TTC3: variants seen among roughly 807,000 people sequenced by gnomAD.
The protein encoded by TTC3 is tetratricopeptide repeat domain 3.
TTC3 carries 180 observed loss-of-function variants against 249.6 expected under a neutral mutation model. The observed-to-expected ratio is 0.72, with a 90% CI of 0.64 to 0.82. The LOEUF is 0.82. Among genes scored for constraint, TTC3 ranks in the 40% least tolerant of loss-of-function variants. The pLI is 0.00. For synonymous variants in TTC3, 717 were observed against 805.0 expected (o/e 0.89, Z 1.85); for missense variants, 2,061 against 2,398.4 (o/e 0.86, Z 2.94).
chr21:37,096,189 A>C (rs2073925115), intron 9 of TTC3, among the ~76,000 whole-genome samples: 2 of 152,210 alleles, frequency 1.3e-5, no homozygotes, highest in South Asian at 2.1e-4. Context: ...TTTAATTTGC[A>C]ATTACTGTAG....
chr21:37,122,432 A>AATGTTT (rs2076680643), intron 12 of TTC3, among the ~76,000 whole-genome samples: 1 of 26,660 alleles, frequency 3.8e-5, no homozygotes, highest in African/African-American at 1.1e-4. Flanking sequence ...ATATATATAT[A>AATGTTT]TATATTATAT....
At chr21:37,168,585 T>C (rs777578771) in intron 34 of TTC3, among the ~76,000 whole-genome samples, 1 of 152,202 alleles carries the variant, frequency 6.6e-6, no homozygotes, top group Non-Finnish European at 1.5e-5. Flanking sequence ...TGAAAAGATA[T>C]TTCATGTACT....
In TTC3 at chr21:37,121,997, CT is replaced by C; in HGVS notation, c.1063+22del. 1 of 1,592,140 alleles carries C rather than the reference CT, an allele frequency of 6.3e-7. No individual in the cohort carries two copies. Among genetic ancestry groups the C allele is most frequent in the Non-Finnish European group, 8.5e-7 (1 of 1,170,046 alleles). On this transcript the variant is annotated intron_variant, in intron 12 of 45. Transcript: ENST00000355666. ...CCTACAAGGTATTTCACCTAAGATT[CT>C]TTTGGTTACAGTCTTAATTCCCTTT... is the stretch of plus-strand genomic sequence containing the variant.
intron 41 of TTC3, among the ~76,000 whole-genome samples, chr21:37,192,909 C>A (rs2084364451): frequency 6.6e-6 from 1 of 152,094 alleles, no homozygotes. Flanking sequence ...TAGATTTGGA[C>A]ATAGATAGAT....
chr21:37,075,272 G>A (rs766323474), intron 1 of TTC3, among the ~76,000 whole-genome samples: 1 of 151,328 alleles, frequency 6.6e-6, no homozygotes, highest in Non-Finnish European at 1.5e-5. Context: ...ATAGAATTGC[G>A]TTGTATGAAT....
chr21:37,138,491 T>G, intron 18 of TTC3, 143 bp from the exon 19 acceptor site: 1 of 585,380 alleles, frequency 1.7e-6, no homozygotes, highest in Non-Finnish European at 3.0e-6. Context: ...TGGCCAATCA[T>G]ATTGATTAGT....
chr21:37,088,021 T>C, intron 3 of TTC3, 146 bp downstream of exon 3: 1 of 958,806 alleles, frequency 1.0e-6, no homozygotes, highest in Non-Finnish European at 1.5e-6. Flanking sequence ...AACTTTTCTT[T>C]GTTAAAATAG....
intron 1 of TTC3, among the ~76,000 whole-genome samples, chr21:37,073,876 C>T (rs944299158): frequency 6.6e-6 from 1 of 152,166 alleles, no homozygotes; most frequent in Non-Finnish European, 1.5e-5. Context: ...GTGGCCGCGC[C>T]TTCTGCAATT....
chr21:37,144,001 C>A (rs1285543669), intron 20 of TTC3, among the ~76,000 whole-genome samples: 1 of 151,486 alleles, frequency 6.6e-6, no homozygotes, highest in Admixed American at 6.6e-5. Context: ...GGACAAAAAA[C>A]CAAACACCGC....
chr21:37,113,232 A>G (rs1835344897), intron 11 of TTC3, among the ~76,000 whole-genome samples: 1 of 152,248 alleles, frequency 6.6e-6, no homozygotes, highest in East Asian at 1.9e-4. Context: ...TCAATTAGGA[A>G]AAGAGGAAGT....
chr21:37,190,478 T>C (rs1295318347), intron 39 of TTC3, among the ~76,000 whole-genome samples: 1 of 152,126 alleles, frequency 6.6e-6, no homozygotes, highest in African/African-American at 2.4e-5. Context: ...GAGAAAACTT[T>C]TCTGATTAAA....
chr21:37,121,944 A>G (rs750155803), exon 12 of TTC3: 6 of 1,612,038 alleles, frequency 3.7e-6, no homozygotes, highest in Non-Finnish European at 4.2e-6. Context: ...ATTCAGCAGC[A>G]TGTAAAGTTA....
At chr21:37,076,937 G>A (rs1053010553) in intron 1 of TTC3, among the ~76,000 whole-genome samples, 1 of 151,918 alleles carries the variant, frequency 6.6e-6, no homozygotes, top group Non-Finnish European at 1.5e-5. Flanking sequence ...CTGACCTCAG[G>A]TGATCTGCCC....
rs561781901 is a variant in TTC3 at position 37,144,260 on chromosome 21, A to G, written c.1773-265A>G. ...AGTATAATAAAAAAAATATATATATATAAACAACAAACAACAAAAAAGTGT... is the reference window on the plus strand; with the variant it reads ...AGTATAATAAAAAAAATATATATATGTAAACAACAAACAACAAAAAAGTGT... On this transcript the variant is annotated intron_variant, in intron 20 of 45. Transcript: ENST00000355666. Among the ~76,000 whole-genome samples the G allele has an allele frequency of 3.3e-5, 5 of 152,148 alleles. No homozygotes were observed. In the South Asian group the frequency reaches 1.0e-3, roughly 32 times the overall value.
At chr21:37,075,990 A>G (rs2070806553) in intron 1 of TTC3, among the ~76,000 whole-genome samples, 1 of 152,250 alleles carries the variant, frequency 6.6e-6, no homozygotes, top group Non-Finnish European at 1.5e-5. Context: ...TAGCAGAACA[A>G]TAAAATGAAC....
chr21:37,085,780 G>A (rs975912067), intron 1 of TTC3: 1 of 152,186 alleles, frequency 6.6e-6, no homozygotes, highest in African/African-American at 2.4e-5. Flanking sequence ...TTGGAGGAAA[G>A]AGAAAAACAC....
rs1202139342 is a variant in TTC3, at chr21:37,167,526, G to A, written c.4402-29G>A. On this transcript the variant is annotated intron_variant, in intron 33 of 45. Coordinates refer to ENST00000355666, the Ensembl canonical transcript of TTC3. ...ATTTTACTAGAGCGATTGAGATAAA[G>A]TGAATTTTATTTTTTGTTTTGCCCA... 4.3e-6 allele frequency: 6 copies of A among 1,408,870 alleles called. No individual in the cohort carries two copies. The African/African-American group carries it at 1.5e-4, about 35-fold the overall frequency. 87.3% of individuals were successfully genotyped at this position (1,408,870 alleles called of 1,614,324 possible). A position where few individuals can be genotyped will look rare whatever the true frequency, so the allele number is the denominator to read the frequency against.
chr21:37,129,142 AG>A, intron 16 of TTC3, 79 bp downstream of exon 16: 1 of 940,046 alleles, frequency 1.1e-6, no homozygotes, highest in South Asian at 1.9e-5. Context: ...TTGTTTTTCG[AG>A]TATTAGCTAC....
intron 27 of TTC3, among the ~76,000 whole-genome samples, chr21:37,154,582 C>T (rs1053143992): frequency 6.6e-6 from 1 of 152,188 alleles, no homozygotes; most frequent in South Asian, 2.1e-4. Flanking sequence ...TTATGCTACA[C>T]GGTCAAGACT....
Sources: gnomAD v4.1 joint callset for allele counts (sites outside exome capture counted in the v4.1 genomes callset) on GRCh38, gnomAD v4.1.1 for gene constraint, MANE v1.5 for transcripts, NCBI Gene and HGNC (gene_info 2026-07-23, HGNC 2026-07-21) for gene names.